Variants in MICAL3 observed in about 807,000 individuals in gnomAD.
MICAL3 encodes microtubule associated monooxygenase, calponin and LIM domain containing 3.
In MICAL3, 62 loss-of-function variants were observed where a neutral mutation model predicts 207.4. The ratio of observed to expected loss-of-function variants is 0.30; its 90% confidence interval spans 0.24 to 0.37. MICAL3 has a LOEUF of 0.37. Ranked by LOEUF, MICAL3 falls within the 10% of genes least tolerant of loss-of-function variation. The probability of loss-of-function intolerance (pLI) is 1.00; values close to 1 mark genes in which losing one functional copy is unlikely to be tolerated. For synonymous variants in MICAL3, 1,077 were observed against 1,069.3 expected, an observed-to-expected ratio of 1.01 and a Z score of -0.14; for missense variants, 2,368 against 2,635.6, an observed-to-expected ratio of 0.90 and a Z score of 2.22.
intron 16 of MICAL3, among the ~76,000 whole-genome samples, chr22:17,883,546 G>A (rs1929613912): frequency 6.6e-6 from 1 of 152,190 alleles, no homozygotes; most frequent in African/African-American, 2.4e-5. Flanking sequence ...GGACAACGAG[G>A]TAGCCAACCC....
At chr22:17,939,490 AT>A in intron 1 of MICAL3, among the ~76,000 whole-genome samples, 1 of 152,178 alleles carries the variant, frequency 6.6e-6, no homozygotes, top group East Asian at 1.9e-4. Context: ...TATCCCTGCC[AT>A]CCCCCTAGGA....
intron 7 of MICAL3, among the ~76,000 whole-genome samples, chr22:17,898,292 T>C (rs1358285610): frequency 6.6e-6 from 1 of 152,214 alleles, no homozygotes; most frequent in Non-Finnish European, 1.5e-5. Flanking sequence ...CCTGATGTAG[T>C]CCCAGATAAT....
chr22:17,834,643 G>A (rs1923169781), intron 20 of MICAL3: 1 of 1,029,380 alleles, frequency 9.7e-7, no homozygotes, highest in Non-Finnish European at 1.2e-6. Context: ...CTAAAGCGCA[G>A]CAGAACACAA....
chr22:17,902,000 A>AAT, intron 4 of MICAL3, 21 bp from the exon 5 acceptor site: 1 of 1,564,486 alleles, frequency 6.4e-7, no homozygotes, highest in South Asian at 1.1e-5. Context: ...AAACCAAATA[A>AAT]ATGGGGGTCA....
intron 19 of MICAL3, among the ~76,000 whole-genome samples, chr22:17,858,957 T>C (rs1321681951): frequency 3.3e-5 from 5 of 152,176 alleles, no homozygotes; most frequent in African/African-American, 4.8e-5. Context: ...AATTTGTCAC[T>C]TATTGCGCCC....
intron 19 of MICAL3, among the ~76,000 whole-genome samples, chr22:17,850,300 C>T (rs1320181797): frequency 6.6e-6 from 1 of 151,982 alleles, no homozygotes; most frequent in Non-Finnish European, 1.5e-5. Flanking sequence ...CGAGGACACC[C>T]CTGCAGTGAG....
At chr22:17,869,220 T>TG (rs1436368252) in intron 17 of MICAL3, among the ~76,000 whole-genome samples, 3 of 152,290 alleles carry the variant, frequency 2.0e-5, no homozygotes, top group African/African-American at 7.2e-5. Flanking sequence ...GACAAGGTTG[T>TG]GGGCTCTGTC....
chr22:17,850,773 C>T (rs529572918), intron 19 of MICAL3, among the ~76,000 whole-genome samples: 2 of 152,186 alleles, frequency 1.3e-5, no homozygotes, highest in African/African-American at 2.4e-5. Context: ...CCCAAGGTGC[C>T]TTTTTGGCAA....
At chr22:17,854,157 T>G (rs1925640274) in intron 19 of MICAL3, among the ~76,000 whole-genome samples, 1 of 152,192 alleles carries the variant, frequency 6.6e-6, no homozygotes, top group Non-Finnish European at 1.5e-5. Context: ...GATTCTCAAC[T>G]GGGGTGATTT....
chr22:17,976,642 T>C (rs1192075056), intron 1 of MICAL3, among the ~76,000 whole-genome samples: 1 of 136,604 alleles, frequency 7.3e-6, no homozygotes, highest in African/African-American at 2.7e-5. Flanking sequence ...CAGGCTGGAG[T>C]ACACTGGCGC....
chr22:17,945,032 T>C (rs1390125952), intron 1 of MICAL3, among the ~76,000 whole-genome samples: 2 of 146,940 alleles, frequency 1.4e-5, no homozygotes, highest in African/African-American at 2.5e-5. Flanking sequence ...TTTTCAACAG[T>C]ATGACCAGGT....
At position 17,906,878 on chromosome 22, in the gene MICAL3, C is replaced by T; in HGVS notation, c.-66G>A. 2.1e-6 allele frequency: 3 copies of T among 1,439,800 alleles called. No homozygotes were observed. The African/African-American group carries it at 4.3e-5, about 20-fold the overall frequency. The allele number at this position is 1,439,800 out of a possible 1,614,324, so 89.2% of individuals were successfully genotyped here. ...TGGCTGTGGGTCCACCTGACACTGTCACGTTAATCTGACAAAAAGAAAGAA... is the reference window on the plus strand; with the variant it reads ...TGGCTGTGGGTCCACCTGACACTGTTACGTTAATCTGACAAAAAGAAAGAA... On this transcript the variant is annotated 5_prime_UTR_variant, in exon 2 of 32. Coordinates refer to ENST00000441493, the MANE Select transcript of MICAL3 (RefSeq NM_015241.3).
rs570914063 is a variant in MICAL3 at position 17,806,435 on chromosome 22, G to A, written c.5650+2409C>T. Among the ~76,000 whole-genome samples, 4 of 149,042 alleles carry A rather than the reference G, an allele frequency of 2.7e-5. No individual in the cohort carries two copies. The South Asian group carries it at 6.3e-4, about 24-fold the overall frequency. On this transcript the variant is annotated intron_variant, in intron 29 of 31. Coordinates refer to ENST00000441493, the MANE Select transcript of MICAL3 (RefSeq NM_015241.3). ...AGGAATAGGAACTGCTGTTAGATTT[G>A]CTGTGATCCAACTGTGGAAAAAAAA...
In MICAL3 at chr22:17,863,693, C is replaced by T. The variant is rs556904617; in HGVS notation, c.2605+1206G>A. ...GGTTCTCATGGCTCCCAGGGCACAC[C>T]GCCTAGCCTCTGGGCGCATCTTCCC... On this transcript the variant is annotated intron_variant, in intron 19 of 31. Transcript: ENST00000441493. 1.5e-4 allele frequency: 148 copies of T among 985,420 alleles called. 1 individual carries two copies. The African/African-American group carries it at 2.1e-3, about 14-fold the overall frequency. 61.0% of individuals were successfully genotyped at this position (985,420 alleles called of 1,614,324 possible).
chr22:17,995,320 G>T (rs987125880), intron 1 of MICAL3, among the ~76,000 whole-genome samples: 1 of 151,486 alleles, frequency 6.6e-6, no homozygotes, highest in African/African-American at 2.4e-5. Flanking sequence ...GCGACTATAG[G>T]TGTACACCAC....
intron 1 of MICAL3, among the ~76,000 whole-genome samples, chr22:18,016,432 A>G (rs1392470673): frequency 1.3e-5 from 2 of 152,264 alleles, no homozygotes; most frequent in Middle Eastern, 3.4e-3. Flanking sequence ...GTGCAGTTCT[A>G]TGACTTTTAA....
At chr22:18,001,555 G>A (rs2146490443) in intron 1 of MICAL3, 1 of 152,402 alleles carries the variant, frequency 6.6e-6, no homozygotes, top group East Asian at 1.9e-4. Context: ...GTGGCCCTCG[G>A]GCCGGACCAC....
intron 1 of MICAL3, among the ~76,000 whole-genome samples, chr22:17,950,166 A>ATTTTTTTTTTTTTTTTTTTTTTTTTTTT (rs10657913): frequency 6.9e-6 from 1 of 143,978 alleles, no homozygotes; most frequent in African/African-American, 2.6e-5. Flanking sequence ...ACAGCTGTCT[A>ATTTTTTTTTTTTTTTTTTTTTTTTTTTT]TTTTTTTTTT....
Position 17,795,202 on chromosome 22 carries a change from G to A in MICAL3, c.5651-3901C>T, listed in dbSNP as rs116562596. ...CTAAGCACACACGGCACAGCCGGCC[G>A]AATGCATGGGTACGAGGGAGGATTT... On this transcript the variant is annotated intron_variant, in intron 29 of 31. Transcript: ENST00000441493. Among the ~76,000 whole-genome samples the A allele has an allele frequency of 5.4e-3, 824 of 152,362 alleles. 8 individuals carry two copies. Among genetic ancestry groups the A allele is most frequent in the African/African-American group, 0.019 (777 of 41,592 alleles).
Sources: gnomAD v4.1 joint callset for allele counts (sites outside exome capture counted in the v4.1 genomes callset) on GRCh38, gnomAD v4.1.1 for gene constraint, MANE v1.5 for transcripts, NCBI Gene and HGNC (gene_info 2026-07-23, HGNC 2026-07-21) for gene names.